SLC2A13: variants seen among roughly 807,000 people sequenced by gnomAD.
SLC2A13 encodes proton myo-inositol cotransporter.
In SLC2A13, 32 loss-of-function variants were observed where a neutral mutation model predicts 64.4. The ratio of observed to expected loss-of-function variants is 0.50; its 90% CI spans 0.37 to 0.67. The LOEUF is 0.67. SLC2A13 is among the 30% of genes least tolerant of loss of function. The pLI, the probability that SLC2A13 is intolerant of heterozygous loss-of-function variation, is 0.00. For missense variants in SLC2A13, 743 were observed against 829.2 expected (o/e 0.90, Z 1.28); for synonymous variants, 338 against 327.1 (o/e 1.03, Z -0.36).
chr12:39,966,067 T>TAC (rs1227500235), intron 3 of SLC2A13, among the ~76,000 whole-genome samples: 4 of 151,408 alleles, frequency 2.6e-5, no homozygotes, highest in Non-Finnish European at 5.9e-5. Flanking sequence ...ATATATATGA[T>TAC]ACACACACAT....
chr12:40,024,126 C>T (rs1348012254), intron 3 of SLC2A13, among the ~76,000 whole-genome samples: 2 of 152,172 alleles, frequency 1.3e-5, no homozygotes, highest in South Asian at 2.1e-4. Flanking sequence ...GTTGATAATA[C>T]AGGCCATGAC....
intron 6 of SLC2A13, among the ~76,000 whole-genome samples, chr12:39,855,742 T>A (rs1943591554): frequency 1.3e-5 from 2 of 152,374 alleles, no homozygotes; most frequent in African/African-American, 4.8e-5. Flanking sequence ...TTGCAGACTT[T>A]CAGCTACTAA....
At chr12:39,847,716 C>A (rs1943357225) in intron 6 of SLC2A13, among the ~76,000 whole-genome samples, 2 of 152,026 alleles carry the variant, frequency 1.3e-5, no homozygotes, top group African/African-American at 2.4e-5. Flanking sequence ...GAGAGAAAGA[C>A]TTCTTCCTTG....
chr12:39,806,167 A>G (rs1210546478), intron 7 of SLC2A13, among the ~76,000 whole-genome samples: 1 of 152,212 alleles, frequency 6.6e-6, no homozygotes, highest in South Asian at 2.1e-4. Context: ...ACTAAAAATT[A>G]AGAAAAAAAT....
chr12:40,019,956 T>C (rs550540390), intron 3 of SLC2A13, among the ~76,000 whole-genome samples: 1 of 152,204 alleles, frequency 6.6e-6, no homozygotes, highest in Non-Finnish European at 1.5e-5. Flanking sequence ...ATAATAGGTG[T>C]TAATAAGTGA....
At chr12:39,999,730 C>G (rs1040968382) in intron 3 of SLC2A13, among the ~76,000 whole-genome samples, 10 of 152,036 alleles carry the variant, frequency 6.6e-5, no homozygotes, top group African/African-American at 2.4e-4. Context: ...TTTTTTGGAC[C>G]CTTATCAGGA....
chr12:40,069,936 A>C (rs1460481253), intron 1 of SLC2A13, among the ~76,000 whole-genome samples: 1 of 152,146 alleles, frequency 6.6e-6, no homozygotes, highest in Non-Finnish European at 1.5e-5. Flanking sequence ...TGTTACAAAA[A>C]CATTACTATC....
chr12:39,974,380 C>T (rs1197945428), intron 3 of SLC2A13, among the ~76,000 whole-genome samples: 1 of 152,146 alleles, frequency 6.6e-6, no homozygotes, highest in Admixed American at 6.5e-5. Context: ...GACCTCAACC[C>T]ATGTTCTTGC....
rs904957496 is a variant in SLC2A13, at chr12:40,062,947, T to C, written c.557-14737A>G. Among the ~76,000 whole-genome samples, 5 of 152,138 alleles carry C rather than the reference T, an allele frequency of 3.3e-5. 1 individual carries two copies. Among genetic ancestry groups the C allele is most frequent in the African/African-American group, 1.2e-4 (5 of 41,452 alleles). On this transcript the variant is annotated intron_variant, in intron 1 of 9. Coordinates refer to ENST00000280871, the MANE Select transcript of SLC2A13 (RefSeq NM_052885.4). Reference sequence around the variant, plus strand: ...TTAATAGCAAGCTAGCCACTATAAATACCATTTTTCTGGTATCTATTTTAC... The same window carrying C: ...TTAATAGCAAGCTAGCCACTATAAACACCATTTTTCTGGTATCTATTTTAC...
At chr12:39,835,344 G>A (rs1385441276) in intron 6 of SLC2A13, among the ~76,000 whole-genome samples, 11 of 152,092 alleles carry the variant, frequency 7.2e-5, no homozygotes, top group African/African-American at 2.7e-4. Context: ...CCTTAACAGT[G>A]TAAAAACCTA....
At chr12:39,795,622 TGTTATTTCCAGA>T (rs1272017327) in intron 7 of SLC2A13, among the ~76,000 whole-genome samples, 1 of 152,178 alleles carries the variant, frequency 6.6e-6, no homozygotes, top group Non-Finnish European at 1.5e-5. Flanking sequence ...GGATAGACAT[TGTTATTTCCAGA>T]GAAGATTTAC....
chr12:40,029,669 G>T (rs895609396), intron 2 of SLC2A13, among the ~76,000 whole-genome samples: 25 of 152,144 alleles, frequency 1.6e-4, no homozygotes, highest in Non-Finnish European at 1.5e-5. Context: ...GAAAAAATAT[G>T]ATTATTACAT....
Position 39,900,513 on chromosome 12 carries a change from C to A in SLC2A13, c.1035-28552G>T, listed in dbSNP as rs562335003. On this transcript the variant is annotated intron_variant, in intron 4 of 9. Transcript: ENST00000280871. ...AGTCTCAGGATACAAAATCAATGTG[C>A]AAAAATCACAAGCATTCTTATACAC... is the stretch of plus-strand genomic sequence containing the variant. Among the ~76,000 whole-genome samples the A allele has an allele frequency of 5.3e-3, 806 of 152,058 alleles. 9 individuals carry two copies. Among genetic ancestry groups the A allele is most frequent in the African/African-American group, 0.019 (770 of 41,484 alleles).
At chr12:39,852,312 A>G (rs1463981097) in intron 6 of SLC2A13, among the ~76,000 whole-genome samples, 3 of 152,224 alleles carry the variant, frequency 2.0e-5, no homozygotes, top group Admixed American at 2.0e-4. Flanking sequence ...AAAGTTGTCT[A>G]AACACTGCCA....
At chr12:39,848,289 G>T (rs752683250) in intron 6 of SLC2A13, among the ~76,000 whole-genome samples, 34 of 152,030 alleles carry the variant, frequency 2.2e-4, no homozygotes, top group Non-Finnish European at 2.1e-4. Context: ...TCTGACAAAG[G>T]TCTAATATCC....
At chr12:40,023,579 T>C (rs1947756987) in intron 3 of SLC2A13, among the ~76,000 whole-genome samples, 1 of 152,260 alleles carries the variant, frequency 6.6e-6, no homozygotes, top group South Asian at 2.1e-4. Flanking sequence ...CTGTCTCTTC[T>C]GTTGGTTGAT....
chr12:39,854,532 C>G (rs747865061), intron 6 of SLC2A13, among the ~76,000 whole-genome samples: 3 of 152,140 alleles, frequency 2.0e-5, no homozygotes, highest in Non-Finnish European at 2.9e-5. Flanking sequence ...CCAAAAATAG[C>G]TTTGTCTTCA....
At chr12:40,066,371 T>C (rs907440591) in intron 1 of SLC2A13, among the ~76,000 whole-genome samples, 1 of 152,180 alleles carries the variant, frequency 6.6e-6, no homozygotes, top group Non-Finnish European at 1.5e-5. Context: ...GAGTAGTACA[T>C]CAATGTCTGG....
At chr12:40,021,992 T>A (rs1828897270) in intron 3 of SLC2A13, among the ~76,000 whole-genome samples, 1 of 151,984 alleles carries the variant, frequency 6.6e-6, no homozygotes, top group South Asian at 2.1e-4. Context: ...AGAAAATGAC[T>A]TACGAAGGTA....
Sources: allele counts gnomAD v4.1 joint callset (sites outside exome capture counted in the v4.1 genomes callset), GRCh38; gene constraint gnomAD v4.1.1; transcripts MANE v1.5; gene names NCBI Gene and HGNC (gene_info 2026-07-23, HGNC 2026-07-21).